The following MCTP1 variants were observed in gnomAD, a reference collection of about 807,000 sequenced individuals.
The protein encoded by MCTP1 is multiple C2 and transmembrane domain containing 1, also known as multiple C2 and transmembrane domain-containing protein 1.
In MCTP1, 69 loss-of-function variants were observed where a neutral mutation model predicts 120.6. The observed-to-expected ratio is 0.57, with a 90% confidence interval of 0.47 to 0.70. The LOEUF (loss-of-function observed/expected upper bound fraction) is 0.70. MCTP1 is among the 30% of genes least tolerant of loss of function. MCTP1 has a pLI of 0.00. For missense variants in MCTP1, 1,203 were observed against 1,248.8 expected, an observed-to-expected ratio of 0.96 and a Z score of 0.55; for synonymous variants, 529 against 493.1, an observed-to-expected ratio of 1.07 and a Z score of -0.96.
At chr5:95,237,294 A>C (rs1007160697) in intron 1 of MCTP1, among the ~76,000 whole-genome samples, 6 of 152,220 alleles carry the variant, frequency 3.9e-5, no homozygotes, top group Admixed American at 2.0e-4. Context: ...GAAGCTCCCC[A>C]GAAACATCCA....
At chr5:95,210,245 T>C (rs140343874) in intron 1 of MCTP1, among the ~76,000 whole-genome samples, 1,819 of 152,242 alleles carry the variant, frequency 0.012, 30 homozygotes, top group African/African-American at 0.041. Context: ...CTTTCTGTCT[T>C]GTTCATCTGT....
intron 17 of MCTP1, among the ~76,000 whole-genome samples, chr5:94,862,028 G>A (rs555039060): frequency 6.6e-6 from 1 of 151,780 alleles, no homozygotes; most frequent in South Asian, 2.1e-4. Context: ...GATTCAATAT[G>A]GTATCATAAT....
rs1218104132 is a variant in MCTP1, at chr5:94,707,571, T to A, written c.2929-4A>T. On this transcript the variant is annotated splice_polypyrimidine_tract_variant and splice_region_variant and intron_variant, in intron 22 of 22. Transcript: ENST00000515393. ...GTTTCAGTTCTTGGTATTGCACCTG[T>A]TTAAACAGAGTTCAGAGGAAGACTG... 1 of 1,610,224 alleles carries A rather than the reference T, an allele frequency of 6.2e-7. No homozygotes were observed. Among genetic ancestry groups the A allele is most frequent in the Non-Finnish European group, 8.5e-7 (1 of 1,177,146 alleles).
chr5:95,281,473 A>G (rs1760309062), intron 1 of MCTP1, among the ~76,000 whole-genome samples: 2 of 152,172 alleles, frequency 1.3e-5, no homozygotes, highest in South Asian at 4.1e-4. Flanking sequence ...TTTGTGACTC[A>G]TTACAGAGAA....
chr5:95,047,180 T>G (rs923303530), intron 1 of MCTP1, among the ~76,000 whole-genome samples: 42 of 152,178 alleles, frequency 2.8e-4, no homozygotes, highest in African/African-American at 9.4e-4. Context: ...ATGATGTCCT[T>G]GAAGACCGTT....
intron 1 of MCTP1, among the ~76,000 whole-genome samples, chr5:95,143,671 C>T (rs1483261405): frequency 6.6e-6 from 1 of 152,130 alleles, no homozygotes; most frequent in Non-Finnish European, 1.5e-5. Flanking sequence ...GTTTTCTGTT[C>T]CTGCATTAAT....
chr5:94,832,654 AC>A (rs1400420693), intron 17 of MCTP1, among the ~76,000 whole-genome samples: 2 of 146,822 alleles, frequency 1.4e-5, no homozygotes, highest in Non-Finnish European at 3.0e-5. Context: ...ACACTTCCCT[AC>A]TCCCCTTCAG....
At position 95,284,619 on chromosome 5, in the gene MCTP1, C is replaced by T. The variant is rs1760611604; in HGVS notation, c.-44G>A. The T allele has an allele frequency of 7.5e-7, 1 of 1,341,072 alleles. No homozygotes were observed. Among genetic ancestry groups the T allele is most frequent in the Non-Finnish European group, 9.6e-7 (1 of 1,036,696 alleles). 83.1% of individuals were successfully genotyped at this position (1,341,072 alleles called of 1,614,324 possible). A position where few individuals can be genotyped will look rare whatever the true frequency, so the allele number is the denominator to read the frequency against. ...CCTCTCCCCTCCTCCTCCTCCTCCTCCTCCTGCTTCTCCTCCCTCTTCGGC... is the reference window on the plus strand; with the variant it reads ...CCTCTCCCCTCCTCCTCCTCCTCCTTCTCCTGCTTCTCCTCCCTCTTCGGC... On this transcript the variant is annotated 5_prime_UTR_variant, in exon 1 of 23. Coordinates refer to ENST00000515393, the MANE Select transcript of MCTP1 (RefSeq NM_024717.7). The surrounding 1 kb of genome is among the most constrained non-coding windows in gnomAD (Gnocchi z 5.2).
chr5:94,970,837 C>T (rs756904619), intron 2 of MCTP1, among the ~76,000 whole-genome samples: 7 of 149,494 alleles, frequency 4.7e-5, no homozygotes, highest in African/African-American at 7.4e-5. Flanking sequence ...TAAAGTATTA[C>T]GCCTCTTCAA....
At chr5:94,811,670 G>A (rs1783449003) in intron 17 of MCTP1, among the ~76,000 whole-genome samples, 1 of 152,208 alleles carries the variant, frequency 6.6e-6, no homozygotes, top group African/African-American at 2.4e-5. Flanking sequence ...TGTCTATGGT[G>A]TTGATGCCCG....
intron 6 of MCTP1, chr5:94,931,744 G>C: frequency 8.9e-6 from 5 of 559,054 alleles, no homozygotes; most frequent in South Asian, 6.8e-5. Context: ...GAAGTGACCA[G>C]AGAATAGTGA....
chr5:95,175,773 G>A (rs981443015), intron 1 of MCTP1, among the ~76,000 whole-genome samples: 10 of 152,206 alleles, frequency 6.6e-5, no homozygotes, highest in African/African-American at 1.9e-4. Context: ...GCCCTCAGAG[G>A]CCCACCCACT....
intron 17 of MCTP1, among the ~76,000 whole-genome samples, chr5:94,822,543 A>AGAAT (rs1580865869): frequency 6.6e-6 from 1 of 152,232 alleles, no homozygotes; most frequent in Admixed American, 6.5e-5. Context: ...TTTTTATAGT[A>AGAAT]GAATGATTTA....
chr5:94,862,530 G>C (rs1465456937), intron 17 of MCTP1, among the ~76,000 whole-genome samples: 3 of 151,682 alleles, frequency 2.0e-5, no homozygotes, highest in Non-Finnish European at 4.4e-5. Flanking sequence ...AACTGAACTA[G>C]AGCCTCACTC....
chr5:95,092,162 T>G (rs949110160), intron 1 of MCTP1, among the ~76,000 whole-genome samples: 5 of 152,036 alleles, frequency 3.3e-5, no homozygotes, highest in African/African-American at 1.2e-4. Flanking sequence ...GGTTTTATGG[T>G]TTTTTTTGTT....
At chr5:95,028,540 C>T (rs570077452) in intron 1 of MCTP1, among the ~76,000 whole-genome samples, 9 of 152,214 alleles carry the variant, frequency 5.9e-5, no homozygotes, top group East Asian at 1.9e-4. Context: ...ATTACTCACC[C>T]GTGGATTGTC....
At chr5:94,806,290 G>T (rs1310928777) in intron 17 of MCTP1, among the ~76,000 whole-genome samples, 1 of 151,996 alleles carries the variant, frequency 6.6e-6, no homozygotes, top group African/African-American at 2.4e-5. Context: ...GAAAAAAAAA[G>T]TCCTACTTTT....
chr5:95,284,116 C>T lies in MCTP1; in HGVS notation c.460G>A (p.Asp154Asn), dbSNP rs758702571. The part of the protein sequence containing the change: ...GGTPPGGRSP[D>N]SAPSSSSASS... ...GCGGAGGAAGAGGAAGGAGCTGAGT[C>T]GGGGGAGCGTCCGCCAGGAGGCGTC... Residue 154 changes from aspartate (D) to asparagine (N), a missense_variant, in exon 1 of 23, where the codon GAC (aspartate) becomes AAC (asparagine). By Grantham distance (23) the Asp-to-Asn change is conservative. This residue lies in a region of MCTP1 where 463 missense variants were observed against 377.8 expected (regional missense o/e 1.23). Transcript: ENST00000515393. The surrounding 1 kb of genome is among the most constrained non-coding windows in gnomAD (Gnocchi z 5.2). 3.5e-5 allele frequency: 54 copies of T among 1,550,576 alleles called. No homozygotes were observed. Among genetic ancestry groups the T allele is most frequent in the South Asian group, 1.8e-4 (15 of 84,674 alleles).
chr5:95,208,073 G>A (rs1038622159), intron 1 of MCTP1, among the ~76,000 whole-genome samples: 4 of 152,056 alleles, frequency 2.6e-5, no homozygotes, highest in Non-Finnish European at 5.9e-5. Context: ...GCAATAACAA[G>A]AAACAGATTA....
Sources: gnomAD v4.1 joint callset for allele counts (sites outside exome capture counted in the v4.1 genomes callset) on GRCh38, gnomAD v4.1.1 for gene constraint, gnomAD v4.1.1 regional missense constraint, Gnocchi (gnomAD v3.1) non-coding constraint, MANE v1.5 for transcripts, NCBI Gene and HGNC (gene_info 2026-07-23, HGNC 2026-07-21) for gene names.